CNBD1: variants seen among roughly 807,000 people sequenced by gnomAD.
CNBD1 encodes cyclic nucleotide-binding domain-containing protein 1.
A neutral mutation model predicts 54.4 loss-of-function variants in CNBD1; 71 were observed. That is an observed-to-expected ratio of 1.30 (90% CI 1.08 to 1.59). The LOEUF (loss-of-function observed/expected upper bound fraction) is 1.59. CNBD1 is among the 40% of genes most tolerant of loss of function. The pLI is 0.00. For missense variants in CNBD1, 659 were observed against 518.0 expected (o/e 1.27, Z -2.64); for synonymous variants, 182 against 170.7 (o/e 1.07, Z -0.51).
chr8:87,427,256 G>A (rs751533623), intron 2 of CNBD1, among the ~76,000 whole-genome samples: 4 of 152,064 alleles, frequency 2.6e-5, no homozygotes, highest in African/African-American at 4.8e-5. Flanking sequence ...TGGCTTGAAT[G>A]TGTTCTACTC....
chr8:87,424,778 T>C (rs112862517), intron 2 of CNBD1, among the ~76,000 whole-genome samples: 2,280 of 152,292 alleles, frequency 0.015, 57 homozygotes, highest in African/African-American at 0.049. Context: ...TCAACTTTGG[T>C]GAATCTGACA....
intron 4 of CNBD1, among the ~76,000 whole-genome samples, chr8:87,007,720 A>T (rs1032179817): frequency 1.3e-5 from 2 of 152,198 alleles, no homozygotes; most frequent in East Asian, 3.8e-4. Flanking sequence ...TAACATTCTT[A>T]AAGTTTTCCT....
chr8:86,873,749 C>T (rs1406308165), intron 1 of CNBD1, among the ~76,000 whole-genome samples: 1 of 151,942 alleles, frequency 6.6e-6, no homozygotes, highest in Non-Finnish European at 1.5e-5. Flanking sequence ...TGAATGATAT[C>T]TTTTTCTAAC....
intron 4 of CNBD1, among the ~76,000 whole-genome samples, chr8:87,044,962 G>A (rs957924315): frequency 6.6e-6 from 1 of 152,108 alleles, no homozygotes; most frequent in Admixed American, 6.5e-5. Flanking sequence ...ATAGTTGTCT[G>A]CCTAACTGAT....
intron 4 of CNBD1, among the ~76,000 whole-genome samples, chr8:87,003,134 G>A (rs986901122): frequency 1.3e-5 from 2 of 152,106 alleles, no homozygotes; most frequent in African/African-American, 4.8e-5. Flanking sequence ...TACTTTTACA[G>A]CAGAGATCTG....
At chr8:87,267,014 C>T (rs11777801) in intron 6 of CNBD1, among the ~76,000 whole-genome samples, 93,546 of 151,822 alleles carry the variant, frequency 0.62, 29,075 homozygotes, top group Middle Eastern at 0.69. Context: ...ATATTGATAC[C>T]TGTTTAAAAT....
At chr8:87,334,724 CT>C (rs1227796537) in intron 8 of CNBD1, among the ~76,000 whole-genome samples, 64 of 113,208 alleles carry the variant, frequency 5.7e-4, no homozygotes, top group East Asian at 1.1e-3. Flanking sequence ...TTTTTCTTTT[CT>C]TTTTTTTTTT....
At chr8:87,079,694 A>T (rs76496109) in intron 4 of CNBD1, among the ~76,000 whole-genome samples, 2 of 152,050 alleles carry the variant, frequency 1.3e-5, no homozygotes, top group African/African-American at 4.8e-5. Flanking sequence ...TTTTTTATTG[A>T]GTTAGAAGGA....
At chr8:87,425,066 T>TCATTTCATC (rs1188858152) in intron 2 of CNBD1, among the ~76,000 whole-genome samples, 1 of 152,132 alleles carries the variant, frequency 6.6e-6, no homozygotes, top group Non-Finnish European at 1.5e-5. Context: ...TTCATTTCAT[T>TCATTTCATC]CATTTCATCT....
intron 5 of CNBD1, among the ~76,000 whole-genome samples, chr8:87,216,182 A>G (rs569130077): frequency 1.3e-5 from 2 of 152,338 alleles, no homozygotes; most frequent in Non-Finnish European, 2.9e-5. Flanking sequence ...AATGCAAGCC[A>G]GCTCCTAGAG....
intron 10 of CNBD1, among the ~76,000 whole-genome samples, chr8:87,357,900 C>T (rs1298444938): frequency 6.6e-6 from 1 of 152,082 alleles, no homozygotes; most frequent in Non-Finnish European, 1.5e-5. Flanking sequence ...AGGTAGACTC[C>T]TAATAAAGGG....
At chr8:87,015,285 C>G (rs1044798355) in intron 4 of CNBD1, among the ~76,000 whole-genome samples, 2 of 152,134 alleles carry the variant, frequency 1.3e-5, no homozygotes, top group Non-Finnish European at 1.5e-5. Flanking sequence ...CAGGTTCATG[C>G]CATTCTCTTG....
intron 8 of CNBD1, among the ~76,000 whole-genome samples, chr8:87,312,232 T>G (rs1037207535): frequency 6.6e-6 from 1 of 152,124 alleles, no homozygotes; most frequent in Non-Finnish European, 1.5e-5. Flanking sequence ...TATTTTGACA[T>G]AATCTATTTT....
chr8:87,061,282 G>A (rs1299683243), intron 4 of CNBD1, among the ~76,000 whole-genome samples: 2 of 152,142 alleles, frequency 1.3e-5, no homozygotes, highest in African/African-American at 4.8e-5. Context: ...TAAGATTAGT[G>A]TCCTTAATCA....
intron 4 of CNBD1, among the ~76,000 whole-genome samples, chr8:87,146,701 CTAT>C (rs1812496249): frequency 6.6e-6 from 1 of 152,080 alleles, no homozygotes; most frequent in African/African-American, 2.4e-5. Context: ...TTAGCAAGTC[CTAT>C]TAAGTATGCA....
At chr8:87,335,422 C>G (rs915605388) in intron 8 of CNBD1, among the ~76,000 whole-genome samples, 2 of 152,126 alleles carry the variant, frequency 1.3e-5, no homozygotes, top group Admixed American at 6.5e-5. Context: ...GAATACTTAA[C>G]TCTTCTTGTT....
chr8:87,206,066 C>A lies in CNBD1; in HGVS notation c.505C>A (p.Gln169Lys), dbSNP rs756805577. 6.2e-7 allele frequency: 1 copy of A among 1,605,352 alleles called. No individual in the cohort carries two copies. ...GAAAACAATTCCAGATTTAACCTTTCAGCTAAATGATAAGCATCTGAAAAC... is the reference window on the plus strand; with the variant it reads ...GAAAACAATTCCAGATTTAACCTTTAAGCTAAATGATAAGCATCTGAAAAC... ...FLKTIPDLTF[Q>K]LNDKHLKTLS... The change falls in exon 5 of 11, where the codon CAG becomes AAG. Residue 169 changes from glutamine (Q) to lysine (K), a missense_variant. Physicochemically the swap from Gln to Lys is moderately conservative, Grantham distance 53. Coordinates refer to ENST00000518476, the MANE Select transcript of CNBD1 (RefSeq NM_173538.3).
At chr8:87,160,668 G>T (rs1812839073) in intron 4 of CNBD1, among the ~76,000 whole-genome samples, 2 of 152,080 alleles carry the variant, frequency 1.3e-5, no homozygotes, top group Admixed American at 1.3e-4. Context: ...ATAAAAATCT[G>T]TAATCCTATC....
intron 8 of CNBD1, among the ~76,000 whole-genome samples, chr8:87,292,445 C>T (rs1197317132): frequency 6.6e-6 from 1 of 152,150 alleles, no homozygotes; most frequent in Non-Finnish European, 1.5e-5. Flanking sequence ...GTTTAATTCT[C>T]AGTATGCATG....
Sources: gnomAD v4.1 joint callset for allele counts (sites outside exome capture counted in the v4.1 genomes callset) on GRCh38, gnomAD v4.1.1 for gene constraint, MANE v1.5 for transcripts, NCBI Gene and HGNC (gene_info 2026-07-23, HGNC 2026-07-21) for gene names.